The following GRID2 variants were observed in gnomAD, a reference collection of about 807,000 sequenced individuals.
The protein encoded by GRID2 is glutamate ionotropic receptor delta type subunit 2, also known as glutamate receptor ionotropic, delta-2.
Under a neutral mutation model 114.8 loss-of-function variants are expected in GRID2, and 33 were observed. That is an observed-to-expected ratio of 0.29 (90% CI 0.22 to 0.38). The LOEUF (loss-of-function observed/expected upper bound fraction) is 0.38, where lower values mean the gene tolerates loss of function less well. Among genes scored for constraint, GRID2 ranks in the 10% least tolerant of loss-of-function variants. The pLI, the probability that GRID2 is intolerant of heterozygous loss-of-function variation, is 1.00. For missense variants in GRID2, 1,184 were observed against 1,257.7 expected, an observed-to-expected ratio of 0.94 and a Z score of 0.89; for synonymous variants, 505 against 449.9, an observed-to-expected ratio of 1.12 and a Z score of -1.55.
chr4:92,954,809 T>G (rs1414371149), intron 2 of GRID2, among the ~76,000 whole-genome samples: 1 of 138,500 alleles, frequency 7.2e-6, no homozygotes, highest in Admixed American at 7.5e-5. Flanking sequence ...TGTTCCCCTT[T>G]CTGTGTCCAT....
intron 8 of GRID2, among the ~76,000 whole-genome samples, chr4:93,341,917 G>A (rs915204807): frequency 6.6e-6 from 1 of 152,124 alleles, no homozygotes; most frequent in Non-Finnish European, 1.5e-5. Flanking sequence ...AAAATTTTAA[G>A]TGTAATTTTT....
rs547628115 is a variant in GRID2, at chr4:93,061,212, T to A, written c.245-23783T>A. On this transcript the variant is annotated intron_variant, in intron 2 of 15. Transcript: ENST00000282020. ...GTTTTTCTTGTTTTTTTTTTTTTTTTAATGCCTAACAAATACCTTGAAATT... is the reference window on the plus strand; with the variant it reads ...GTTTTTCTTGTTTTTTTTTTTTTTTAAATGCCTAACAAATACCTTGAAATT... Among the ~76,000 whole-genome samples the A allele has an allele frequency of 4.0e-5, 6 of 150,078 alleles. No homozygotes were observed. The East Asian group carries it at 7.9e-4, about 20-fold the overall frequency.
intron 14 of GRID2, among the ~76,000 whole-genome samples, chr4:93,764,182 A>G (rs1256293735): frequency 2.0e-5 from 3 of 152,156 alleles, no homozygotes; most frequent in Admixed American, 6.6e-5. Flanking sequence ...GATTTCTTTA[A>G]TTTTAATATG....
chr4:93,400,410 A>C (rs932974046), intron 9 of GRID2, among the ~76,000 whole-genome samples: 1 of 152,090 alleles, frequency 6.6e-6, no homozygotes, highest in Non-Finnish European at 1.5e-5. Flanking sequence ...ACTGATCTTT[A>C]CTTCTTACCA....
chr4:93,676,379 C>A (rs1048465666), intron 14 of GRID2, among the ~76,000 whole-genome samples: 2 of 152,104 alleles, frequency 1.3e-5, no homozygotes, highest in Non-Finnish European at 2.9e-5. Context: ...CTAGATCATC[C>A]TGCATAAGAA....
At chr4:92,849,788 T>C (rs1015161466) in intron 2 of GRID2, among the ~76,000 whole-genome samples, 8 of 151,840 alleles carry the variant, frequency 5.3e-5, no homozygotes, top group Non-Finnish European at 1.2e-4. Context: ...ATTATTTCAA[T>C]GGCATAAAGA....
At chr4:93,443,144 AT>A (rs1222512595) in intron 10 of GRID2, among the ~76,000 whole-genome samples, 2 of 151,906 alleles carry the variant, frequency 1.3e-5, no homozygotes, top group Non-Finnish European at 2.9e-5. Context: ...TCTTTTTCCT[AT>A]TTCTGTTAAA....
intron 8 of GRID2, among the ~76,000 whole-genome samples, chr4:93,276,356 G>T (rs910083168): frequency 2.0e-5 from 3 of 151,948 alleles, no homozygotes; most frequent in South Asian, 2.1e-4. Context: ...CCTGCAACTT[G>T]TGGCAATTTT....
intron 1 of GRID2, among the ~76,000 whole-genome samples, chr4:92,341,894 G>T (rs1228109036): frequency 1.4e-5 from 2 of 143,750 alleles, no homozygotes; most frequent in Middle Eastern, 7.2e-3. Flanking sequence ...CAGCCTGGGC[G>T]ACAGCGAGAC....
intron 13 of GRID2, among the ~76,000 whole-genome samples, chr4:93,540,252 AAT>A (rs1244800383): frequency 4.0e-5 from 6 of 151,830 alleles, no homozygotes; most frequent in African/African-American, 1.5e-4. Flanking sequence ...TTTAACTCTA[AAT>A]ATATATATAA....
rs774244692 is a variant in GRID2, at chr4:93,772,478, G to A, written c.3004G>A (p.Asp1002Asn). 1.9e-6 allele frequency: 3 copies of A among 1,597,380 alleles called. No individual in the cohort carries two copies. In the East Asian group the frequency reaches 6.7e-5, roughly 36 times the overall value. Residue 1002 changes from aspartate (D) to asparagine (N), a missense_variant, in exon 16 of 16, where the codon GAC becomes AAC. Physicochemically the swap from Asp to Asn is conservative, Grantham distance 23 (BLOSUM62 1). This residue lies in a region of GRID2 where 717 missense variants were observed against 796.9 expected (regional missense o/e 0.90). Coordinates refer to ENST00000282020, the MANE Select transcript of GRID2 (RefSeq NM_001510.4). ...GGGGCTCAATCTGGGTAATGATCCA[G>A]ACCGAGGCACCTCCATATGAGCATC... ...TLGLNLGNDP[D>N]RGTSI
intron 1 of GRID2, among the ~76,000 whole-genome samples, chr4:92,508,185 A>C (rs1414226711): frequency 6.6e-6 from 1 of 151,924 alleles, no homozygotes; most frequent in Non-Finnish European, 1.5e-5. Context: ...ACATAGTAGG[A>C]ATTCAGAAAC....
At chr4:93,127,484 G>T (rs1734384442) in intron 4 of GRID2, among the ~76,000 whole-genome samples, 1 of 152,192 alleles carries the variant, frequency 6.6e-6, no homozygotes, top group South Asian at 2.1e-4. Context: ...TAAAGTAGTT[G>T]CTAAAGGCAG....
intron 14 of GRID2, among the ~76,000 whole-genome samples, chr4:93,755,549 G>A (rs997648153): frequency 2.0e-5 from 3 of 152,092 alleles, no homozygotes; most frequent in African/African-American, 7.2e-5. Context: ...AACTACTTAG[G>A]AATCCAGGTA....
intron 2 of GRID2, among the ~76,000 whole-genome samples, chr4:92,878,305 G>C: frequency 6.9e-6 from 1 of 145,120 alleles, no homozygotes; most frequent in East Asian, 2.3e-4. Flanking sequence ...TCACTCATCT[G>C]TTCCAACTGA....
chr4:92,764,977 G>A (rs1738189598), intron 2 of GRID2, among the ~76,000 whole-genome samples: 1 of 152,060 alleles, frequency 6.6e-6, no homozygotes, highest in African/African-American at 2.4e-5. Context: ...TATGTATAAT[G>A]ACCACCATAA....
At chr4:93,323,843 CTGTT>C (rs1341789993) in intron 8 of GRID2, among the ~76,000 whole-genome samples, 4 of 152,138 alleles carry the variant, frequency 2.6e-5, no homozygotes, top group African/African-American at 4.8e-5. Flanking sequence ...ATTTGGCTCT[CTGTT>C]TGTCTGTTAC....
rs1228077604 is a variant in GRID2 at position 93,068,896 on chromosome 4, AC to A, written c.245-16098del. Among the ~76,000 whole-genome samples the A allele has an allele frequency of 2.6e-5, 4 of 152,168 alleles. 1 individual carries two copies. Among genetic ancestry groups the A allele is most frequent in the African/African-American group, 9.6e-5 (4 of 41,550 alleles). ...ATTGGCTCATGGTTCTGCAGGCTAT[AC>A]AGGAAGCATGATGTTGGCTTCTACT... On this transcript the variant is annotated intron_variant, in intron 2 of 15. Transcript: ENST00000282020.
chr4:93,492,000 T>C (rs905174450), intron 12 of GRID2, among the ~76,000 whole-genome samples: 1 of 151,866 alleles, frequency 6.6e-6, no homozygotes, highest in Admixed American at 6.6e-5. Context: ...ATTATTCCTT[T>C]GATACAGAAC....
Sources: allele counts gnomAD v4.1 joint callset (sites outside exome capture counted in the v4.1 genomes callset), GRCh38; gene constraint gnomAD v4.1.1; regional missense constraint gnomAD v4.1.1; transcripts MANE v1.5; gene names NCBI Gene and HGNC (gene_info 2026-07-23, HGNC 2026-07-21).